The following SLC35F4 variants were observed in gnomAD, a reference collection of about 807,000 sequenced individuals.
SLC35F4 encodes chromosome 14 open reading frame 36.
SLC35F4 carries 24 observed loss-of-function variants against 44.2 expected under a neutral mutation model. The observed-to-expected ratio is 0.54, with a 90% CI of 0.39 to 0.76. The LOEUF (loss-of-function observed/expected upper bound fraction) is 0.76, where lower values mean the gene tolerates loss of function less well. Among genes scored for constraint, SLC35F4 ranks in the 30% least tolerant of loss-of-function variants. The pLI, the probability that SLC35F4 is intolerant of heterozygous loss-of-function variation, is 0.00. For missense variants in SLC35F4, 562 were observed against 586.1 expected (o/e 0.96, Z 0.42); for synonymous variants, 238 against 223.6 (o/e 1.06, Z -0.57).
At chr14:57,894,446 T>C (rs576574706) in intron 1 of SLC35F4, among the ~76,000 whole-genome samples, 17 of 152,198 alleles carry the variant, frequency 1.1e-4, no homozygotes, top group African/African-American at 3.6e-4. Context: ...CATGATAACC[T>C]TTGAAAGAGA....
intron 1 of SLC35F4, among the ~76,000 whole-genome samples, chr14:57,672,365 A>G (rs1192144917): frequency 1.3e-5 from 2 of 152,140 alleles, no homozygotes; most frequent in African/African-American, 4.8e-5. Flanking sequence ...ATCAAGAATT[A>G]TAACAACTGA....
chr14:57,946,999 T>C (rs1318112016), intron 1 of SLC35F4, among the ~76,000 whole-genome samples: 1 of 152,186 alleles, frequency 6.6e-6, no homozygotes, highest in Non-Finnish European at 1.5e-5. Flanking sequence ...AGAGTTGTTT[T>C]TTTCTAGTTC....
intron 1 of SLC35F4, among the ~76,000 whole-genome samples, chr14:57,934,084 A>G (rs1210555455): frequency 1.3e-5 from 2 of 152,092 alleles, no homozygotes; most frequent in African/African-American, 2.4e-5. Context: ...CATTTTTTAA[A>G]AAGTTTTAAA....
chr14:57,868,226 C>G (rs10147933), upstream of SLC35F4, among the ~76,000 whole-genome samples: 28,453 of 152,038 alleles, frequency 0.19, 5,869 homozygotes, highest in African/African-American at 0.52. Flanking sequence ...AATAGCAAAG[C>G]ACTTACAAAT....
Position 57,589,438 on chromosome 14 carries a change from G to T in SLC35F4, c.365C>A (p.Thr122Lys), listed in dbSNP as rs745535282. The change falls in exon 3 of 8, where the codon ACG (threonine) becomes AAG (lysine). Residue 122 changes from threonine (T) to lysine (K), a missense_variant. Thr to Lys is a moderately conservative substitution (Grantham distance 78). Coordinates refer to ENST00000556826, the MANE Select transcript of SLC35F4 (RefSeq NM_001306087.2). ...NRIKARCLSC[T>K]SMVLKGIWGL... ...CCAGATGCCCTTCAGAACCATGGAC[G>T]TGCAGGACAGGCAGCGAGCCTTGAT... The T allele has an allele frequency of 5.6e-6, 9 of 1,613,786 alleles. No homozygotes were observed. Among genetic ancestry groups the T allele is most frequent in the African/African-American group, 2.7e-5 (2 of 74,938 alleles).
chr14:57,659,247 G>C (rs530021261), intron 1 of SLC35F4, among the ~76,000 whole-genome samples: 59 of 152,252 alleles, frequency 3.9e-4, no homozygotes, highest in African/African-American at 1.4e-3. Context: ...ATGTGAAAAG[G>C]AATCCCAAGG....
chr14:57,825,979 C>T (rs1202571403), intron 1 of SLC35F4, among the ~76,000 whole-genome samples: 1 of 152,106 alleles, frequency 6.6e-6, no homozygotes, highest in African/African-American at 2.4e-5. Flanking sequence ...CATTAAAGTA[C>T]CATTGACATT....
chr14:57,698,886 A>C lies in SLC35F4; in HGVS notation c.104-104762T>G, dbSNP rs567874263. 7.9e-4 allele frequency among the ~76,000 whole-genome samples: 120 copies of C among 152,284 alleles called. 1 individual carries two copies. The highest frequency in any genetic ancestry group is 2.8e-3 in the African/African-American group (115 of 41,560). ...GGAGATCCACGCACCTCGGCCTTCC[A>C]AAGTGCTGGTATTACAGGTGTGAGA... On this transcript the variant is annotated intron_variant, in intron 1 of 7. Transcript: ENST00000556826.
chr14:57,673,618 G>T (rs1013945175), intron 1 of SLC35F4, among the ~76,000 whole-genome samples: 7 of 152,048 alleles, frequency 4.6e-5, no homozygotes, highest in Non-Finnish European at 1.0e-4. Flanking sequence ...GCAGTTGAAA[G>T]GCTGAACAAT....
At chr14:57,838,107 A>T (rs1376597291) in intron 1 of SLC35F4, among the ~76,000 whole-genome samples, 3 of 152,208 alleles carry the variant, frequency 2.0e-5, no homozygotes, top group Admixed American at 2.0e-4. Context: ...CCTTAGCAAC[A>T]CAGAGGCCAG....
At chr14:57,914,818 A>G (rs1490383186) in intron 1 of SLC35F4, among the ~76,000 whole-genome samples, 1 of 152,084 alleles carries the variant, frequency 6.6e-6, no homozygotes, top group African/African-American at 2.4e-5. Flanking sequence ...ACTGGGCTCA[A>G]TCCAGCAGCT....
At chr14:57,980,630 C>T (rs1010587595) in intron 1 of SLC35F4, among the ~76,000 whole-genome samples, 3 of 140,874 alleles carry the variant, frequency 2.1e-5, no homozygotes, top group Admixed American at 7.1e-5. Context: ...GGTTTGTGGG[C>T]GTACACATCA....
intron 1 of SLC35F4, among the ~76,000 whole-genome samples, chr14:57,692,546 A>G (rs1178422378): frequency 6.6e-6 from 1 of 151,932 alleles, no homozygotes; most frequent in Non-Finnish European, 1.5e-5. Context: ...ATTAAATAAC[A>G]TTTTCTTTCT....
intron 1 of SLC35F4, among the ~76,000 whole-genome samples, chr14:57,864,119 A>C (rs1887918025): frequency 6.6e-6 from 1 of 152,218 alleles, no homozygotes; most frequent in African/African-American, 2.4e-5. Context: ...AACCACCCTG[A>C]GTCTTGTAAT....
chr14:57,863,637 C>T (rs557294237), intron 1 of SLC35F4, among the ~76,000 whole-genome samples: 80 of 152,298 alleles, frequency 5.3e-4, no homozygotes, highest in Non-Finnish European at 1.0e-3. Flanking sequence ...TGTTTGTTTA[C>T]TAGTTGAAGC....
intron 1 of SLC35F4, among the ~76,000 whole-genome samples, chr14:57,747,599 C>A (rs147783466): frequency 1.3e-5 from 2 of 152,248 alleles, no homozygotes; most frequent in East Asian, 3.9e-4. Flanking sequence ...TACTTCCCTG[C>A]TTCTGGATTA....
At position 57,838,663 on chromosome 14, in the gene SLC35F4, A is replaced by G. The variant is rs181787421; in HGVS notation, c.103+27060T>C. On this transcript the variant is annotated intron_variant, in intron 1 of 7. Coordinates refer to ENST00000556826, the MANE Select transcript of SLC35F4 (RefSeq NM_001306087.2). ...GACAGTTCAGTCTCAAAATAGGAAA[A>G]AAGATACAAGTAGCACGTGATCAAG... Among the ~76,000 whole-genome samples the G allele has an allele frequency of 3.2e-3, 486 of 152,316 alleles. 4 individuals are homozygous for G. Among genetic ancestry groups the G allele is most frequent in the African/African-American group, 9.5e-3 (395 of 41,568 alleles).
intron 1 of SLC35F4, among the ~76,000 whole-genome samples, chr14:57,794,850 A>C (rs570903473): frequency 2.0e-5 from 3 of 152,278 alleles, no homozygotes; most frequent in African/African-American, 7.2e-5. Flanking sequence ...TCTGGGAAAA[A>C]AAACTGACCT....
intron 1 of SLC35F4, among the ~76,000 whole-genome samples, chr14:57,648,163 A>G (rs1012405609): frequency 6.6e-6 from 1 of 152,144 alleles, no homozygotes; most frequent in Non-Finnish European, 1.5e-5. Context: ...TCTTGGAAAA[A>G]ATTCTGAAGG....
Sources: allele counts gnomAD v4.1 joint callset (sites outside exome capture counted in the v4.1 genomes callset), GRCh38; gene constraint gnomAD v4.1.1; transcripts MANE v1.5; gene names NCBI Gene and HGNC (gene_info 2026-07-23, HGNC 2026-07-21).